Variants in GABRB1 observed in about 807,000 individuals in gnomAD.
GABRB1 encodes gamma-aminobutyric acid receptor subunit beta-1.
GABRB1 carries 17 observed loss-of-function variants against 51.6 expected under a neutral mutation model. The ratio of observed to expected loss-of-function variants is 0.33; its 90% CI spans 0.23 to 0.49. The LOEUF is 0.49. GABRB1 is among the 20% of genes least tolerant of loss of function. GABRB1 has a pLI of 0.99. For missense variants in GABRB1, 410 were observed against 600.6 expected (o/e 0.68, Z 3.32); for synonymous variants, 247 against 218.9 (o/e 1.13, Z -1.14).
At chr4:47,156,772 C>T (rs755722628) in intron 3 of GABRB1, among the ~76,000 whole-genome samples, 1 of 151,830 alleles carries the variant, frequency 6.6e-6, no homozygotes, top group Non-Finnish European at 1.5e-5. Context: ...GAGTTCTAAA[C>T]CAGACTGACC....
chr4:47,136,848 T>C (rs1422240207), intron 3 of GABRB1, among the ~76,000 whole-genome samples: 1 of 152,080 alleles, frequency 6.6e-6, no homozygotes, highest in East Asian at 1.9e-4. Flanking sequence ...TATTATATAA[T>C]TAGAAACTAA....
At chr4:47,093,439 T>A (rs1327753813) in intron 3 of GABRB1, among the ~76,000 whole-genome samples, 1 of 152,176 alleles carries the variant, frequency 6.6e-6, no homozygotes, top group Non-Finnish European at 1.5e-5. Context: ...TAATAAATAC[T>A]GCTCATTCTC....
At chr4:47,033,584 A>G (rs1207937325) in intron 3 of GABRB1, among the ~76,000 whole-genome samples, 2 of 152,192 alleles carry the variant, frequency 1.3e-5, no homozygotes, top group African/African-American at 4.8e-5. Context: ...GTATCACTCT[A>G]TGGCTATAAA....
chr4:47,094,455 C>T (rs933232745), intron 3 of GABRB1, among the ~76,000 whole-genome samples: 1 of 151,816 alleles, frequency 6.6e-6, no homozygotes, highest in Non-Finnish European at 1.5e-5. Flanking sequence ...GATCTCTTCA[C>T]CTTGTGATCC....
chr4:47,117,635 G>A (rs116512518), intron 3 of GABRB1, among the ~76,000 whole-genome samples: 18 of 152,270 alleles, frequency 1.2e-4, no homozygotes, highest in Non-Finnish European at 2.2e-4. Flanking sequence ...CTACTTTTTG[G>A]TGTTAGGGTC....
intron 3 of GABRB1, among the ~76,000 whole-genome samples, chr4:47,139,148 A>G (rs1716804541): frequency 6.6e-6 from 1 of 152,024 alleles, no homozygotes. Context: ...TCACTCTCCC[A>G]ACAGACTTCG....
chr4:47,044,829 G>A (rs1287362163), intron 3 of GABRB1, among the ~76,000 whole-genome samples: 1 of 146,606 alleles, frequency 6.8e-6, no homozygotes, highest in Non-Finnish European at 1.5e-5. Context: ...ATTTCTTTGT[G>A]AGAACTGACA....
chr4:47,359,305 T>C (rs1726713270), intron 5 of GABRB1, among the ~76,000 whole-genome samples: 1 of 152,158 alleles, frequency 6.6e-6, no homozygotes, highest in Admixed American at 6.6e-5. Context: ...CATTTTTTCA[T>C]CTGAAGATTT....
intron 4 of GABRB1, among the ~76,000 whole-genome samples, chr4:47,186,731 C>A (rs577703452): frequency 1.3e-5 from 2 of 151,944 alleles, no homozygotes; most frequent in East Asian, 3.9e-4. Context: ...GCATCTTCAA[C>A]TAAAGAGGGC....
chr4:47,248,625 C>T (rs756245599), intron 4 of GABRB1, among the ~76,000 whole-genome samples: 1 of 151,958 alleles, frequency 6.6e-6, no homozygotes, highest in African/African-American at 2.4e-5. Context: ...GCTGTGAATC[C>T]ATCTGGTCCT....
intron 4 of GABRB1, among the ~76,000 whole-genome samples, chr4:47,190,206 G>C (rs1719382667): frequency 6.6e-6 from 1 of 152,102 alleles, no homozygotes; most frequent in Non-Finnish European, 1.5e-5. Flanking sequence ...TGCAGCTAAA[G>C]CCATCATTAG....
intron 4 of GABRB1, among the ~76,000 whole-genome samples, chr4:47,175,171 T>C (rs529798296): frequency 6.6e-6 from 1 of 151,316 alleles, no homozygotes; most frequent in Non-Finnish European, 1.5e-5. Flanking sequence ...TTCTTTATCT[T>C]TCTTTCTTTT....
At chr4:47,267,282 G>A (rs1437277315) in intron 4 of GABRB1, among the ~76,000 whole-genome samples, 1 of 151,778 alleles carries the variant, frequency 6.6e-6, no homozygotes, top group African/African-American at 2.4e-5. Flanking sequence ...ATGGTATGTT[G>A]TTTTTAAAAG....
At chr4:47,266,586 T>C (rs1722652017) in intron 4 of GABRB1, among the ~76,000 whole-genome samples, 1 of 152,210 alleles carries the variant, frequency 6.6e-6, no homozygotes, top group Admixed American at 6.5e-5. Context: ...TGGTATAGTT[T>C]TGAGAGTTCC....
At chr4:47,229,858 G>C (rs1721073629) in intron 4 of GABRB1, among the ~76,000 whole-genome samples, 1 of 152,072 alleles carries the variant, frequency 6.6e-6, no homozygotes, top group African/African-American at 2.4e-5. Context: ...TTTTTCACTA[G>C]AGCCCTAGCT....
chr4:47,232,918 A>G (rs1721195386), intron 4 of GABRB1, among the ~76,000 whole-genome samples: 1 of 145,908 alleles, frequency 6.9e-6, no homozygotes, highest in South Asian at 2.2e-4. Flanking sequence ...TCTGTCACCC[A>G]GGCTGGAGTG....
chr4:47,152,132 A>T (rs1717487030), intron 3 of GABRB1, among the ~76,000 whole-genome samples: 1 of 151,966 alleles, frequency 6.6e-6, no homozygotes, highest in Non-Finnish European at 1.5e-5. Flanking sequence ...GTTGTTAGAG[A>T]ATGGAAATTC....
At chr4:47,240,645 T>TG (rs1389727910) in intron 4 of GABRB1, among the ~76,000 whole-genome samples, 2 of 152,218 alleles carry the variant, frequency 1.3e-5, no homozygotes, top group South Asian at 4.1e-4. Flanking sequence ...TAATTGCCTT[T>TG]CCTTTCATGG....
At chr4:47,108,095 A>G (rs1393821056) in intron 3 of GABRB1, among the ~76,000 whole-genome samples, 1 of 152,024 alleles carries the variant, frequency 6.6e-6, no homozygotes, top group African/African-American at 2.4e-5. Context: ...ATAGTTTGGT[A>G]ATTTTATATT....
Sources: allele counts gnomAD v4.1 joint callset (sites outside exome capture counted in the v4.1 genomes callset), GRCh38; gene constraint gnomAD v4.1.1; transcripts MANE v1.5; gene names NCBI Gene and HGNC (gene_info 2026-07-23, HGNC 2026-07-21).